DCDC1: variants seen among roughly 807,000 people sequenced by gnomAD.
The protein encoded by DCDC1 is doublecortin domain-containing protein 1.
In DCDC1, 200 loss-of-function variants were observed where a neutral mutation model predicts 178.3. The observed-to-expected ratio is 1.12, with a 90% CI of 1.00 to 1.26. The LOEUF (loss-of-function observed/expected upper bound fraction) is 1.26. Ranked by LOEUF, DCDC1 falls within the 50% of genes most tolerant of loss-of-function variation. The probability of loss-of-function intolerance (pLI) is 0.00; values close to 1 mark genes in which losing one functional copy is unlikely to be tolerated. For missense variants in DCDC1, 1,983 were observed against 1,749.2 expected (o/e 1.13, Z -2.38); for synonymous variants, 690 against 604.8 (o/e 1.14, Z -2.07).
At chr11:31,344,802 C>T (rs1950732733) in intron 1 of DCDC1, among the ~76,000 whole-genome samples, 1 of 152,124 alleles carries the variant, frequency 6.6e-6, no homozygotes, top group Non-Finnish European at 1.5e-5. Flanking sequence ...AAGAAGCTGG[C>T]ACTTTAAAAA....
chr11:31,074,216 G>A (rs1321161507), intron 18 of DCDC1, among the ~76,000 whole-genome samples: 6 of 152,180 alleles, frequency 3.9e-5, no homozygotes, highest in African/African-American at 1.4e-4. Flanking sequence ...GGACATCGAA[G>A]AAGTCACTGA....
At chr11:31,203,608 T>C (rs569951218) in intron 9 of DCDC1, among the ~76,000 whole-genome samples, 55 of 152,320 alleles carry the variant, frequency 3.6e-4, no homozygotes, top group Admixed American at 1.1e-3. Context: ...GGAACATGTT[T>C]GGTGTTCTCA....
At position 31,132,383 on chromosome 11, in the gene DCDC1, C is replaced by T. The variant is rs148081984; in HGVS notation, c.1315-4744G>A. 3.2e-3 allele frequency among the ~76,000 whole-genome samples: 480 copies of T among 152,238 alleles called. 2 individuals are homozygous for T. Among genetic ancestry groups the T allele is most frequent in the African/African-American group, 0.011 (452 of 41,526 alleles). On this transcript the variant is annotated intron_variant, in intron 10 of 38. Coordinates refer to ENST00000684477, the MANE Select transcript of DCDC1 (RefSeq NM_001387274.1). ...CTCTACACATGAAATAACTCATATA[C>T]TAAAATCAGGTAGGTAATATAATAC...
chr11:30,994,016 A>T (rs1373095732), intron 20 of DCDC1, among the ~76,000 whole-genome samples: 2 of 152,202 alleles, frequency 1.3e-5, no homozygotes, highest in Admixed American at 6.6e-5. Flanking sequence ...CTACAGATCA[A>T]TATTCCTCAT....
intron 20 of DCDC1, among the ~76,000 whole-genome samples, chr11:31,001,548 G>A (rs992038996): frequency 2.6e-5 from 4 of 152,156 alleles, no homozygotes; most frequent in Admixed American, 6.5e-5. Flanking sequence ...CCACCGCAGC[G>A]AGGCTGAGCT....
chr11:31,279,600 G>A (rs10835759), intron 7 of DCDC1, among the ~76,000 whole-genome samples: 45,018 of 151,930 alleles, frequency 0.3, 8,105 homozygotes, highest in East Asian at 0.63. Flanking sequence ...GCAGGGACAT[G>A]GATGAAACCA....
At chr11:30,944,713 AG>A in intron 21 of DCDC1, among the ~76,000 whole-genome samples, 1 of 152,142 alleles carries the variant, frequency 6.6e-6, no homozygotes, top group East Asian at 1.9e-4. Flanking sequence ...TTCAATAAGT[AG>A]GAGGACCCTT....
chr11:30,923,128 G>A (rs1467422353), intron 23 of DCDC1, among the ~76,000 whole-genome samples: 3 of 152,074 alleles, frequency 2.0e-5, no homozygotes, highest in Non-Finnish European at 4.4e-5. Flanking sequence ...ACCCAAATCT[G>A]GTCCCCTGCC....
At chr11:31,195,638 A>G (rs1036876781) in intron 9 of DCDC1, among the ~76,000 whole-genome samples, 2 of 152,014 alleles carry the variant, frequency 1.3e-5, no homozygotes, top group African/African-American at 4.8e-5. Context: ...TTTTTCTTTC[A>G]TACTATCCAA....
At chr11:31,281,933 C>T (rs920688579) in intron 7 of DCDC1, among the ~76,000 whole-genome samples, 3 of 152,120 alleles carry the variant, frequency 2.0e-5, no homozygotes, top group Non-Finnish European at 4.4e-5. Context: ...CAGACTAATA[C>T]ACCAACTTTG....
intron 8 of DCDC1, among the ~76,000 whole-genome samples, chr11:31,260,599 G>A (rs942715949): frequency 6.6e-6 from 1 of 152,132 alleles, no homozygotes; most frequent in Non-Finnish European, 1.5e-5. Context: ...AACCACTAGG[G>A]TAAATTTAAC....
At chr11:31,061,176 A>C (rs1049381180) in intron 20 of DCDC1, among the ~76,000 whole-genome samples, 2 of 152,144 alleles carry the variant, frequency 1.3e-5, no homozygotes, top group Non-Finnish European at 2.9e-5. Context: ...CTCACAGTTC[A>C]TTATTTCCTT....
rs114085904 is a variant in DCDC1 at position 31,269,765 on chromosome 11, T to G, written c.961-4165A>C. ...ATCATCATGCTGTAAAACCAGAATC[T>G]TCTTGAAAAGCACCTGGGAAAAAAT... On this transcript the variant is annotated intron_variant, in intron 7 of 38. Transcript: ENST00000684477. Among the ~76,000 whole-genome samples, 726 of 152,330 alleles carry G rather than the reference T, an allele frequency of 4.8e-3. 5 individuals carry two copies. The highest frequency in any genetic ancestry group is 0.017 in the African/African-American group (687 of 41,578).
At chr11:30,884,020 A>G in intron 36 of DCDC1, among the ~76,000 whole-genome samples, 1 of 99,714 alleles carries the variant, frequency 1.0e-5, no homozygotes, top group African/African-American at 3.9e-5. Flanking sequence ...AGAAAACCAA[A>G]GCATTCTTTC....
intron 1 of DCDC1, among the ~76,000 whole-genome samples, chr11:31,365,759 A>C (rs1951927113): frequency 6.6e-6 from 1 of 152,172 alleles, no homozygotes; most frequent in Non-Finnish European, 1.5e-5. Flanking sequence ...CTGGGAATCA[A>C]ATATTTAATA....
chr11:31,000,768 ATTAC>A (rs1417581991), intron 20 of DCDC1, among the ~76,000 whole-genome samples: 1 of 152,118 alleles, frequency 6.6e-6, no homozygotes, highest in African/African-American at 2.4e-5. Flanking sequence ...CCATGTTCCA[ATTAC>A]TTAGGAAGAA....
intron 7 of DCDC1, among the ~76,000 whole-genome samples, chr11:31,279,484 A>T (rs1338819112): frequency 6.6e-6 from 1 of 152,178 alleles, no homozygotes; most frequent in Non-Finnish European, 1.5e-5. Context: ...GAAGACTTGA[A>T]GCCAACTCAA....
At chr11:30,876,072 C>A (rs1942088101) in intron 38 of DCDC1, among the ~76,000 whole-genome samples, 2 of 152,138 alleles carry the variant, frequency 1.3e-5, no homozygotes, top group African/African-American at 2.4e-5. Flanking sequence ...AATGCTTCTA[C>A]ACTGTTGATT....
At chr11:31,273,110 TG>T (rs1945701542) in intron 7 of DCDC1, among the ~76,000 whole-genome samples, 1 of 152,126 alleles carries the variant, frequency 6.6e-6, no homozygotes, top group Non-Finnish European at 1.5e-5. Flanking sequence ...AGGCTTGTGA[TG>T]GGGGGCATTG....
Sources: allele counts gnomAD v4.1 joint callset (sites outside exome capture counted in the v4.1 genomes callset), GRCh38; gene constraint gnomAD v4.1.1; transcripts MANE v1.5; gene names NCBI Gene and HGNC (gene_info 2026-07-23, HGNC 2026-07-21).